The following FER1L6 variants were observed in gnomAD, a reference collection of about 807,000 sequenced individuals.
FER1L6 encodes the protein fer-1 like family member 6, also known as fer-1-like protein 6.
Under a neutral mutation model 219.2 loss-of-function variants are expected in FER1L6, and 177 were observed. The observed-to-expected ratio is 0.81, with a 90% confidence interval of 0.71 to 0.91. The LOEUF is 0.91. Ranked by LOEUF, FER1L6 falls within the 40% of genes least tolerant of loss-of-function variation. The pLI is 0.00. For synonymous variants in FER1L6, 768 were observed against 824.3 expected, an observed-to-expected ratio of 0.93 and a Z score of 1.17; for missense variants, 2,153 against 2,259.9, an observed-to-expected ratio of 0.95 and a Z score of 0.96.
At chr8:123,886,522 A>G (rs1210325100) in intron 1 of FER1L6, among the ~76,000 whole-genome samples, 1 of 152,222 alleles carries the variant, frequency 6.6e-6, no homozygotes, top group Non-Finnish European at 1.5e-5. Context: ...AGTAGATACC[A>G]GCCTTATGCC....
chr8:123,998,626 G>C (rs1817258049), intron 12 of FER1L6, among the ~76,000 whole-genome samples: 1 of 152,242 alleles, frequency 6.6e-6, no homozygotes, highest in Non-Finnish European at 1.5e-5. Flanking sequence ...CCAGCCAGGT[G>C]CCTGTCCTTT....
intron 12 of FER1L6, among the ~76,000 whole-genome samples, chr8:124,001,397 TA>T (rs978393745): frequency 5.9e-5 from 9 of 152,222 alleles, no homozygotes; most frequent in African/African-American, 2.2e-4. Context: ...GTTTTACTAT[TA>T]AAAACCCCAT....
In FER1L6 at chr8:123,980,681, A is replaced by T. The variant is rs374214825; in HGVS notation, c.1280A>T (p.Lys427Met). The T allele has an allele frequency of 7.9e-5, 128 of 1,614,042 alleles. No homozygotes were observed. Among genetic ancestry groups the T allele is most frequent in the Middle Eastern group, 1.6e-4 (1 of 6,084 alleles). The change falls in exon 11 of 41, where the codon AAG becomes ATG. Residue 427 changes from lysine to methionine, a missense_variant. Physicochemically the swap from Lys to Met is moderately conservative, Grantham distance 95 (BLOSUM62 -1). Transcript: ENST00000522917. ...KALKELKLPS[K>M]DKDSKSSKGK... is the part of the protein sequence containing the mutation. ...CTGAAGGAGCTCAAGTTGCCTTCCAAGGACAAAGACTCCAAATCTTCCAAA... is the reference window on the plus strand; with the variant it reads ...CTGAAGGAGCTCAAGTTGCCTTCCATGGACAAAGACTCCAAATCTTCCAAA...
chr8:123,982,158 C>T (rs1216983636), intron 11 of FER1L6, among the ~76,000 whole-genome samples: 1 of 152,132 alleles, frequency 6.6e-6, no homozygotes, highest in Non-Finnish European at 1.5e-5. Context: ...TACATGCCAA[C>T]TTTGGAGACT....
At chr8:124,086,213 T>C (rs1821779850) in intron 33 of FER1L6, among the ~76,000 whole-genome samples, 1 of 152,174 alleles carries the variant, frequency 6.6e-6, no homozygotes. Flanking sequence ...TCAATGTTAT[T>C]GTTAAGTAAG....
chr8:123,911,014 T>C (rs1233461715), intron 1 of FER1L6, among the ~76,000 whole-genome samples: 1 of 152,028 alleles, frequency 6.6e-6, no homozygotes, highest in Non-Finnish European at 1.5e-5. Flanking sequence ...CTCCAGGTAC[T>C]GAAAAATGGA....
At chr8:124,091,643 T>C in intron 34 of FER1L6, 60 bp downstream of exon 34, 8 of 1,562,070 alleles carry the variant, frequency 5.1e-6, no homozygotes, top group Non-Finnish European at 7.0e-6. Context: ...CTGATTCTAG[T>C]GATATTTTTG....
chr8:124,105,984 A>G (rs1822754252), intron 39 of FER1L6, among the ~76,000 whole-genome samples: 1 of 152,182 alleles, frequency 6.6e-6, no homozygotes, highest in Admixed American at 6.5e-5. Context: ...AGTAGTTGCC[A>G]GGGACTGGGG....
intron 19 of FER1L6, among the ~76,000 whole-genome samples, chr8:124,037,600 AG>A (rs1042832623): frequency 6.6e-6 from 1 of 152,158 alleles, no homozygotes; most frequent in Non-Finnish European, 1.5e-5. Context: ...TTAACTGGGA[AG>A]TGTGCAGAGC....
chr8:124,092,690 T>C (rs929817418), intron 34 of FER1L6, among the ~76,000 whole-genome samples: 7 of 152,200 alleles, frequency 4.6e-5, no homozygotes, highest in Non-Finnish European at 1.0e-4. Context: ...GGTGTTTAAT[T>C]GGCTCACAGT....
chr8:123,974,629 C>CA, intron 7 of FER1L6, among the ~76,000 whole-genome samples: 1 of 117,382 alleles, frequency 8.5e-6, no homozygotes, highest in Non-Finnish European at 1.8e-5. Context: ...CCATTGCTCT[C>CA]CAGCCAGGCA....
intron 1 of FER1L6, among the ~76,000 whole-genome samples, chr8:123,922,711 C>T (rs1813406819): frequency 6.6e-6 from 1 of 152,208 alleles, no homozygotes; most frequent in African/African-American, 2.4e-5. Context: ...TTAAGGTTCA[C>T]ATTTTGGTCT....
chr8:123,975,153 A>T lies in FER1L6; in HGVS notation c.530A>T (p.His177Leu), dbSNP rs1417070394. ...AGCTGTCAGGGTGCTTTCACAGGTC[A>T]TCAGTTCTGCAACAAGTGGGCCCTG... ...DLGTVYNQPG[H>L]QFCNKWALLT... The change falls in exon 8 of 41, where the codon CAT becomes CTT. Residue 177 changes from histidine (H) to leucine (L), a missense_variant. Transcript: ENST00000522917. The T allele has an allele frequency of 1.9e-6, 3 of 1,595,754 alleles. No homozygotes were observed. Among genetic ancestry groups the T allele is most frequent in the Non-Finnish European group, 2.6e-6 (3 of 1,170,230 alleles).
At chr8:123,956,097 G>C in intron 2 of FER1L6, 23 bp downstream of exon 2, 1 of 1,596,608 alleles carries the variant, frequency 6.3e-7, no homozygotes, top group Non-Finnish European at 8.6e-7. Flanking sequence ...GTGGGGTGCT[G>C]ACCATTGGGG....
In FER1L6 at chr8:124,119,602, C is replaced by T. The variant is rs2131057851; in HGVS notation, c.5391-5C>T. The T allele has an allele frequency of 6.2e-7, 1 of 1,605,464 alleles. No individual in the cohort carries two copies. Among genetic ancestry groups the T allele is most frequent in the Non-Finnish European group, 8.5e-7 (1 of 1,172,838 alleles). On this transcript the variant is annotated splice_polypyrimidine_tract_variant and splice_region_variant and intron_variant, in intron 40 of 40. Coordinates refer to ENST00000522917, the MANE Select transcript of FER1L6 (RefSeq NM_001039112.2). ...CTTTTTGATTTTCTCTTCCTTCCCCCTCAGCCGCCCAGACACCTCCTTTTC... is the reference window on the plus strand; with the variant it reads ...CTTTTTGATTTTCTCTTCCTTCCCCTTCAGCCGCCCAGACACCTCCTTTTC...
intron 25 of FER1L6, 113 bp from the exon 26 acceptor site, chr8:124,064,234 T>C (rs1586657871): frequency 1.2e-6 from 1 of 852,440 alleles, no homozygotes; most frequent in Admixed American, 2.2e-5. Flanking sequence ...TTCAGAAATA[T>C]TAGCAACCTG....
At chr8:123,960,090 A>G (rs1159408492) in intron 2 of FER1L6, among the ~76,000 whole-genome samples, 1 of 152,152 alleles carries the variant, frequency 6.6e-6, no homozygotes, top group East Asian at 1.9e-4. Flanking sequence ...TAATTTTCCT[A>G]ACCTGTAGGG....
At chr8:123,877,568 C>A (rs1164436945) in intron 1 of FER1L6, among the ~76,000 whole-genome samples, 3 of 152,122 alleles carry the variant, frequency 2.0e-5, no homozygotes, top group Non-Finnish European at 4.4e-5. Context: ...GTCATCCCCT[C>A]TGCTGCTTTG....
chr8:123,932,489 T>C (rs1813810493), intron 1 of FER1L6, among the ~76,000 whole-genome samples: 1 of 152,206 alleles, frequency 6.6e-6, no homozygotes, highest in Non-Finnish European at 1.5e-5. Flanking sequence ...AGTTTTAATA[T>C]AAATTCATTT....
Sources: gnomAD v4.1 joint callset for allele counts (sites outside exome capture counted in the v4.1 genomes callset) on GRCh38, gnomAD v4.1.1 for gene constraint, MANE v1.5 for transcripts, NCBI Gene and HGNC (gene_info 2026-07-23, HGNC 2026-07-21) for gene names.